QTMAN: variants seen among roughly 807,000 people sequenced by gnomAD.
QTMAN encodes the protein tRNA-queuosine alpha-mannosyltransferase.
the QTMAN span, among the ~76,000 whole-genome samples, chr2:144,030,938 C>T: frequency 1.3e-5 from 2 of 152,152 alleles, no homozygotes; most frequent in African/African-American, 4.8e-5. Flanking sequence ...AGCTAAGAGG[C>T]ATGTTGTCTT....
chr2:144,099,048 C>G, the QTMAN span, among the ~76,000 whole-genome samples: 18 of 152,204 alleles, frequency 1.2e-4, no homozygotes, highest in Admixed American at 9.8e-4. Flanking sequence ...ATATAAGCAC[C>G]TAACAATCAA....
the QTMAN span, among the ~76,000 whole-genome samples, chr2:144,202,615 G>A: frequency 6.6e-6 from 1 of 152,154 alleles, no homozygotes; most frequent in Non-Finnish European, 1.5e-5. Flanking sequence ...TCCATTTGGG[G>A]ATGAGTTTTT....
At chr2:143,964,829 G>A in the QTMAN span, among the ~76,000 whole-genome samples, 2 of 151,942 alleles carry the variant, frequency 1.3e-5, no homozygotes, top group Non-Finnish European at 1.5e-5. Context: ...TTCTGTCTGC[G>A]AAAACCATAG....
chr2:144,292,500 GTCTT>G, the QTMAN span, among the ~76,000 whole-genome samples: 3 of 151,838 alleles, frequency 2.0e-5, no homozygotes, highest in African/African-American at 4.8e-5. Context: ...TTACACACTA[GTCTT>G]TCTTTCTTAT....
At chr2:144,027,946 G>C in the QTMAN span, among the ~76,000 whole-genome samples, 2 of 152,240 alleles carry the variant, frequency 1.3e-5, no homozygotes, top group Non-Finnish European at 2.9e-5. Context: ...ACTTGCTCTC[G>C]TGCTGTAGAA....
At chr2:144,267,291 A>T in the QTMAN span, among the ~76,000 whole-genome samples, 3 of 152,244 alleles carry the variant, frequency 2.0e-5, no homozygotes, top group Non-Finnish European at 4.4e-5. Flanking sequence ...CTAGCAAAGG[A>T]AAAGTACAAA....
the QTMAN span, among the ~76,000 whole-genome samples, chr2:144,229,574 G>A: frequency 5.3e-5 from 8 of 152,242 alleles, no homozygotes; most frequent in Non-Finnish European, 1.0e-4. Context: ...AGGAGAGTGA[G>A]AGTCAGGAGC....
At chr2:144,114,924 A>G in the QTMAN span, among the ~76,000 whole-genome samples, 2 of 152,154 alleles carry the variant, frequency 1.3e-5, no homozygotes, top group Non-Finnish European at 2.9e-5. Context: ...AATTCACAGC[A>G]GTTTTAAAAA....
chr2:144,104,864 G>A, the QTMAN span, among the ~76,000 whole-genome samples: 1 of 152,336 alleles, frequency 6.6e-6, no homozygotes, highest in East Asian at 1.9e-4. Context: ...CCCCAGTAGG[G>A]GCAGACTGAC....
chr2:144,275,852 C>T, the QTMAN span, among the ~76,000 whole-genome samples: 1 of 152,018 alleles, frequency 6.6e-6, no homozygotes, highest in Non-Finnish European at 1.5e-5. Context: ...CTGAAGAAGG[C>T]CTGAATATAT....
chr2:144,125,419 A>C, the QTMAN span, among the ~76,000 whole-genome samples: 1 of 152,022 alleles, frequency 6.6e-6, no homozygotes, highest in Non-Finnish European at 1.5e-5. Context: ...CAACTTAGGT[A>C]ATTACATTCT....
the QTMAN span, among the ~76,000 whole-genome samples, chr2:144,140,294 G>A: frequency 6.6e-6 from 1 of 151,914 alleles, no homozygotes; most frequent in Non-Finnish European, 1.5e-5. Flanking sequence ...ATATGATGTT[G>A]CAGAAATACA....
At chr2:144,216,924 C>A in the QTMAN span, among the ~76,000 whole-genome samples, 1 of 152,108 alleles carries the variant, frequency 6.6e-6, no homozygotes, top group Non-Finnish European at 1.5e-5. Flanking sequence ...CTAGAGAGCC[C>A]ATTCCACATT....
At chr2:143,969,829 C>T in the QTMAN span, among the ~76,000 whole-genome samples, 1 of 152,190 alleles carries the variant, frequency 6.6e-6, no homozygotes, top group South Asian at 2.1e-4. Context: ...TACTGAGATG[C>T]AGGCTGGGTG....
At chr2:144,218,185 ATT>A in the QTMAN span, among the ~76,000 whole-genome samples, 1 of 152,132 alleles carries the variant, frequency 6.6e-6, no homozygotes, top group South Asian at 2.1e-4. Flanking sequence ...ACTCATTACT[ATT>A]TACTCTCATA....
At chr2:144,233,079 G>A in the QTMAN span, among the ~76,000 whole-genome samples, 1 of 152,036 alleles carries the variant, frequency 6.6e-6, no homozygotes, top group Non-Finnish European at 1.5e-5. Flanking sequence ...GACATGAACT[G>A]ACCCTGAATT....
At chr2:144,100,859 C>CTTTTTTTTTTTTTTTTTT in the QTMAN span, among the ~76,000 whole-genome samples, 3 of 77,912 alleles carry the variant, frequency 3.9e-5, no homozygotes, top group Non-Finnish European at 7.2e-5. Flanking sequence ...GTCTTTCTTT[C>CTTTTTTTTTTTTTTTTTT]TTTTTTTTTT....
At chr2:144,066,994 CA>C in the QTMAN span, among the ~76,000 whole-genome samples, 95 of 152,342 alleles carry the variant, frequency 6.2e-4, no homozygotes, top group African/African-American at 2.1e-3. Flanking sequence ...ACTAATTCAT[CA>C]GCATATTCGG....
At chr2:143,977,990 C>T in the QTMAN span, among the ~76,000 whole-genome samples, 1 of 152,150 alleles carries the variant, frequency 6.6e-6, no homozygotes, top group African/African-American at 2.4e-5. Flanking sequence ...CTTCAAAATA[C>T]TCCTTTACCT....
Sources: gnomAD v4.1 joint callset for allele counts (sites outside exome capture counted in the v4.1 genomes callset) on GRCh38, gnomAD v4.1.1 for gene constraint, MANE v1.5 for transcripts, NCBI Gene and HGNC (gene_info 2026-07-23, HGNC 2026-07-21) for gene names.